CADPS2: variants seen among roughly 807,000 people sequenced by gnomAD.
The protein encoded by CADPS2 is calcium dependent secretion activator 2, also known as calcium-dependent secretion activator 2.
Under a neutral mutation model 172.5 loss-of-function variants are expected in CADPS2, and 93 were observed. The observed-to-expected ratio is 0.54, with a 90% CI of 0.46 to 0.64. The LOEUF (loss-of-function observed/expected upper bound fraction) is 0.64. Among genes scored for constraint, CADPS2 ranks in the 30% least tolerant of loss-of-function variants. The pLI is 0.00. For synonymous variants in CADPS2, 546 were observed against 555.2 expected (o/e 0.98, Z 0.23); for missense variants, 1,420 against 1,565.9 (o/e 0.91, Z 1.57).
intron 6 of CADPS2, among the ~76,000 whole-genome samples, chr7:122,594,355 TTGG>T (rs72108160): frequency 0.097 from 14,693 of 151,576 alleles, 822 homozygotes; most frequent in African/African-American, 0.15. Flanking sequence ...GGGAAATGGG[TTGG>T]GGTGGGTAAT....
chr7:122,428,843 A>G (rs1343906457), intron 17 of CADPS2, among the ~76,000 whole-genome samples: 3 of 152,154 alleles, frequency 2.0e-5, no homozygotes, highest in African/African-American at 7.2e-5. Context: ...TTGAAGTACA[A>G]TGAATGACTG....
intron 1 of CADPS2, among the ~76,000 whole-genome samples, chr7:122,777,916 A>G (rs2093935086): frequency 6.6e-6 from 1 of 152,178 alleles, no homozygotes; most frequent in Non-Finnish European, 1.5e-5. Context: ...GGGTGCTGCT[A>G]TAACGATACG....
At chr7:122,412,181 G>A (rs532162734) in intron 19 of CADPS2, among the ~76,000 whole-genome samples, 1 of 152,166 alleles carries the variant, frequency 6.6e-6, no homozygotes, top group South Asian at 2.1e-4. Context: ...CTTTAAATTT[G>A]AACCCATCCT....
At chr7:122,603,908 T>C (rs554881831) in intron 6 of CADPS2, among the ~76,000 whole-genome samples, 1 of 152,260 alleles carries the variant, frequency 6.6e-6, no homozygotes, top group South Asian at 2.1e-4. Flanking sequence ...AAATGAGATG[T>C]TGATCAAAGA....
intron 1 of CADPS2, among the ~76,000 whole-genome samples, chr7:122,838,686 A>C (rs928673634): frequency 1.5e-4 from 23 of 152,238 alleles, no homozygotes; most frequent in African/African-American, 5.3e-4. Context: ...CAATTGCTTC[A>C]AAGAGAATAA....
At chr7:122,655,298 A>G (rs1454174984) in intron 3 of CADPS2, among the ~76,000 whole-genome samples, 1 of 152,210 alleles carries the variant, frequency 6.6e-6, no homozygotes, top group Non-Finnish European at 1.5e-5. Flanking sequence ...ACTATCAAAC[A>G]GTATCACATA....
At chr7:122,589,303 G>A (rs538007384) in intron 6 of CADPS2, among the ~76,000 whole-genome samples, 2 of 151,900 alleles carry the variant, frequency 1.3e-5, no homozygotes, top group African/African-American at 4.8e-5. Context: ...TTTAACAAGA[G>A]AGAAATACAA....
chr7:122,783,075 G>T (rs572294852), intron 1 of CADPS2, among the ~76,000 whole-genome samples: 1 of 152,038 alleles, frequency 6.6e-6, no homozygotes, highest in African/African-American at 2.4e-5. Context: ...AGCCGGGCGT[G>T]GTGGTGGGCG....
chr7:122,470,291 T>C (rs1305188369), intron 14 of CADPS2, among the ~76,000 whole-genome samples: 1 of 151,696 alleles, frequency 6.6e-6, no homozygotes, highest in Non-Finnish European at 1.5e-5. Flanking sequence ...AAAAAGAGAA[T>C]GTTAAGGGGC....
chr7:122,584,402 T>C (rs2069327025), intron 6 of CADPS2, among the ~76,000 whole-genome samples: 1 of 152,000 alleles, frequency 6.6e-6, no homozygotes. Context: ...TTGTAAATTT[T>C]TTCATCTTTG....
intron 2 of CADPS2, among the ~76,000 whole-genome samples, chr7:122,692,228 A>G (rs552222667): frequency 2.0e-5 from 3 of 152,178 alleles, no homozygotes; most frequent in Admixed American, 6.5e-5. Context: ...CCCGCAACAT[A>G]GCGGGGGTGC....
chr7:122,797,744 A>C (rs1448209114), intron 1 of CADPS2, among the ~76,000 whole-genome samples: 1 of 152,182 alleles, frequency 6.6e-6, no homozygotes, highest in Non-Finnish European at 1.5e-5. Context: ...GGAGAGGATA[A>C]GGAAAAATAA....
intron 14 of CADPS2, among the ~76,000 whole-genome samples, chr7:122,466,493 G>A (rs1345445963): frequency 2.0e-5 from 3 of 152,108 alleles, no homozygotes; most frequent in Non-Finnish European, 4.4e-5. Flanking sequence ...CCATGACCAC[G>A]GATAGGAGAT....
chr7:122,404,140 C>A (rs1045119517), intron 20 of CADPS2, among the ~76,000 whole-genome samples: 1 of 152,084 alleles, frequency 6.6e-6, no homozygotes, highest in Admixed American at 6.5e-5. Context: ...TATCCCTCCC[C>A]CCTCTCCCCA....
intron 3 of CADPS2, among the ~76,000 whole-genome samples, chr7:122,649,492 T>TG (rs2078912085): frequency 6.6e-6 from 1 of 152,094 alleles, no homozygotes; most frequent in African/African-American, 2.4e-5. Context: ...CAGCATTATA[T>TG]GGGAAAATTA....
intron 28 of CADPS2, chr7:122,331,934 C>T (rs2035016235): frequency 6.6e-6 from 1 of 152,154 alleles, no homozygotes; most frequent in Non-Finnish European, 1.5e-5. Flanking sequence ...GTCAATAACA[C>T]CTTTGATGCT....
At chr7:122,787,928 G>T (rs553559870) in intron 1 of CADPS2, among the ~76,000 whole-genome samples, 19 of 152,278 alleles carry the variant, frequency 1.2e-4, no homozygotes, top group African/African-American at 4.6e-4. Flanking sequence ...AGGCTTTTAG[G>T]CAGTATTTAC....
intron 1 of CADPS2, among the ~76,000 whole-genome samples, chr7:122,844,923 T>G (rs1005970463): frequency 6.6e-6 from 1 of 152,182 alleles, no homozygotes; most frequent in African/African-American, 2.4e-5. Context: ...AAAAATCATT[T>G]TATTCTAAGG....
At chr7:122,354,613 G>A (rs2039130654) in intron 27 of CADPS2, among the ~76,000 whole-genome samples, 2 of 151,976 alleles carry the variant, frequency 1.3e-5, no homozygotes, top group African/African-American at 4.8e-5. Context: ...ATTTAAACCT[G>A]CAGAATTTTT....
Sources: gnomAD v4.1 joint callset for allele counts (sites outside exome capture counted in the v4.1 genomes callset) on GRCh38, gnomAD v4.1.1 for gene constraint, MANE v1.5 for transcripts, NCBI Gene and HGNC (gene_info 2026-07-23, HGNC 2026-07-21) for gene names.